Variants in ZEB2 observed in about 807,000 individuals in gnomAD.
ZEB2 encodes the protein zinc finger E-box-binding homeobox 2.
Under a neutral mutation model 99.9 loss-of-function variants are expected in ZEB2, and 6 were observed. The observed-to-expected ratio is 0.06, with a 90% CI of 0.03 to 0.12. The LOEUF (loss-of-function observed/expected upper bound fraction) is 0.12, where lower values mean the gene tolerates loss of function less well. Among genes scored for constraint, ZEB2 ranks in the 10% least tolerant of loss-of-function variants. The pLI, the probability that ZEB2 is intolerant of heterozygous loss-of-function variation, is 1.00. For synonymous variants in ZEB2, 517 were observed against 542.5 expected (o/e 0.95, Z 0.65); for missense variants, 969 against 1,502.8 (o/e 0.64, Z 5.87).
chr2:144,475,116 A>C (rs563050448), intron 2 of ZEB2, among the ~76,000 whole-genome samples: 1 of 152,310 alleles, frequency 6.6e-6, no homozygotes, highest in African/African-American at 2.4e-5. Context: ...AGTATGGGAG[A>C]GGCTTTGTCA....
Position 144,515,796 on chromosome 2 carries a change from CTAGA to C in ZEB2, c.73+1478_73+1481del, listed in dbSNP as rs1439947326. On this transcript the variant is annotated intron_variant, in intron 2 of 9. Transcript: ENST00000627532. ...ACACACGCGTACACACACACAAAAC[CTAGA>C]GAGAGAGAGAGAGAGAGAGAAAAGC... Among the ~76,000 whole-genome samples the C allele has an allele frequency of 3.6e-5, 3 of 82,738 alleles. No homozygotes were observed. The East Asian group carries it at 8.3e-4, about 23-fold the overall frequency. The allele number at this position is 82,738 out of a possible 152,430, so 54.3% of individuals were successfully genotyped here.
chr2:144,391,524 G>A lies in ZEB2; in HGVS notation c.3068-1496C>T, dbSNP rs148519288. On this transcript the variant is annotated intron_variant, in intron 9 of 9. Coordinates refer to ENST00000627532, the MANE Select transcript of ZEB2 (RefSeq NM_014795.4). ...CCATTCCTTAACTTTTGGAAAAGAT[G>A]TTTTGAATGAGGTAAACTGGATAAC... 5.3e-3 allele frequency among the ~76,000 whole-genome samples: 800 copies of A among 152,326 alleles called. 11 individuals are homozygous for A. Among genetic ancestry groups the A allele is most frequent in the Non-Finnish European group, 3.9e-3 (264 of 68,026 alleles).
At chr2:144,412,428 C>G (rs1486451637) in intron 4 of ZEB2, among the ~76,000 whole-genome samples, 1 of 152,188 alleles carries the variant, frequency 6.6e-6, no homozygotes, top group Non-Finnish European at 1.5e-5. Flanking sequence ...CCCAGCAATT[C>G]AATGCTCTTT....
In ZEB2 at chr2:144,429,813, G is replaced by A; in HGVS notation, c.287C>T (p.Pro96Leu). The A allele has an allele frequency of 6.2e-7, 1 of 1,613,774 alleles. No individual in the cohort carries two copies. The highest frequency in any genetic ancestry group is 8.5e-7 in the Non-Finnish European group (1 of 1,179,838). The change falls in exon 3 of 10, where the codon CCC (proline) becomes CTC (leucine). Residue 96 changes from proline (P) to leucine (L), a missense_variant. Physicochemically the swap from Pro to Leu is moderately conservative, Grantham distance 98. Around this residue, in one of 8 missense-constraint regions of ZEB2, gnomAD observed 173 missense variants for 217.7 expected, o/e 0.79. Transcript: ENST00000627532. Reference sequence around the variant, plus strand: ...TTGTAGAATCTCGTTGTTGTGCCAGGGGTGTTCCACTCCACCCTCCCTTAT... The same window carrying A: ...TTGTAGAATCTCGTTGTTGTGCCAGAGGTGTTCCACTCCACCCTCCCTTAT... ...DEIREGGVEHPWHNNEILQAS... is the reference protein window; with the variant it reads ...DEIREGGVEHLWHNNEILQAS...
intron 2 of ZEB2, among the ~76,000 whole-genome samples, chr2:144,440,030 A>C (rs1444095770): frequency 6.6e-6 from 1 of 152,254 alleles, no homozygotes; most frequent in Non-Finnish European, 1.5e-5. Context: ...AAAAGAATAA[A>C]GTGGCTAAAT....
Position 144,385,441 on chromosome 2 carries a change from T to C in ZEB2, c.*4010A>G, listed in dbSNP as rs1703069119. 6.6e-6 allele frequency: 1 copy of C among 152,198 alleles called. No homozygotes were observed. The highest frequency in any genetic ancestry group is 2.4e-5 in the African/African-American group (1 of 41,450). The allele number at this position is 152,198 out of a possible 1,614,324, so 9.4% of individuals were successfully genotyped here. Reference sequence around the variant, plus strand: ...TTTGGTGTTTTTTCCCCCTCTTTTTTTAGTGCTATGATTGATGAACATGCA... The same window carrying C: ...TTTGGTGTTTTTTCCCCCTCTTTTTCTAGTGCTATGATTGATGAACATGCA... On this transcript the variant is annotated 3_prime_UTR_variant, in exon 10 of 10. Transcript: ENST00000627532.
At chr2:144,497,636 G>C (rs1704783673) in intron 2 of ZEB2, 1 of 166,672 alleles carries the variant, frequency 6.0e-6, no homozygotes. Flanking sequence ...GGTGATGCTT[G>C]TAATAATAGC....
intron 2 of ZEB2, among the ~76,000 whole-genome samples, chr2:144,431,518 G>A (rs1189715679): frequency 6.6e-6 from 1 of 151,874 alleles, no homozygotes; most frequent in Non-Finnish European, 1.5e-5. Flanking sequence ...CACAACAGGT[G>A]CAAATTAAAA....
intron 2 of ZEB2, among the ~76,000 whole-genome samples, chr2:144,466,090 C>G (rs1376162081): frequency 1.3e-5 from 2 of 152,180 alleles, no homozygotes; most frequent in African/African-American, 4.8e-5. Context: ...TTTTCGCAAC[C>G]AAATGCCTTT....
At chr2:144,509,186 G>C (rs1176711501) in intron 2 of ZEB2, among the ~76,000 whole-genome samples, 1 of 152,192 alleles carries the variant, frequency 6.6e-6, no homozygotes, top group Non-Finnish European at 1.5e-5. Context: ...CACTCAAAGA[G>C]TTAAAGAGTG....
At chr2:144,396,782 A>C (rs1435141026) in intron 8 of ZEB2, among the ~76,000 whole-genome samples, 190 bp from the exon 9 acceptor site, 2 of 152,210 alleles carry the variant, frequency 1.3e-5, no homozygotes, top group Non-Finnish European at 2.9e-5. Context: ...CGCAACAAAA[A>C]TATAAACTTC....
At chr2:144,416,081 A>C (rs547321297) in intron 4 of ZEB2, among the ~76,000 whole-genome samples, 2 of 152,326 alleles carry the variant, frequency 1.3e-5, no homozygotes, top group South Asian at 4.1e-4. Flanking sequence ...CTGGGACAAG[A>C]ACCAGAACCG....
intron 5 of ZEB2, among the ~76,000 whole-genome samples, chr2:144,404,344 T>A (rs1309151690): frequency 7.0e-6 from 1 of 143,066 alleles, no homozygotes. Flanking sequence ...CAAAAATTAA[T>A]TAATTACTTC....
chr2:144,463,860 CAAAAA>C (rs559614826), intron 2 of ZEB2: 7 of 139,904 alleles, frequency 5.0e-5, no homozygotes, highest in Non-Finnish European at 7.8e-5. Flanking sequence ...AAACAAAAAA[CAAAAA>C]AAGAAAGACA....
rs531501755 is a variant in ZEB2, at chr2:144,455,651, A to C, written c.74-25625T>G. On this transcript the variant is annotated intron_variant, in intron 2 of 9. Transcript: ENST00000627532. ...TCTATGTAAACACTATTTGTGCAGC[A>C]TAAGTTTAATAAAAATGATACATCA... 1.6e-4 allele frequency among the ~76,000 whole-genome samples: 25 copies of C among 152,304 alleles called. No individual in the cohort carries two copies. In the South Asian group the frequency reaches 5.2e-3, roughly 32 times the overall value.
intron 2 of ZEB2, among the ~76,000 whole-genome samples, chr2:144,506,924 T>A (rs1293569070): frequency 6.6e-6 from 1 of 152,206 alleles, no homozygotes; most frequent in African/African-American, 2.4e-5. Context: ...ACAGTTTTTT[T>A]AATGTAGAAT....
chr2:144,481,367 TCCTCCTGTTTCTTGTG>T (rs987287884), intron 2 of ZEB2, among the ~76,000 whole-genome samples: 1 of 152,176 alleles, frequency 6.6e-6, no homozygotes, highest in African/African-American at 2.4e-5. Flanking sequence ...AATTCTCATT[TCCTCCTGTTTCTTGTG>T]CCTGTTATGA....
intron 4 of ZEB2, among the ~76,000 whole-genome samples, chr2:144,410,072 C>G (rs532762765): frequency 1.3e-5 from 2 of 152,128 alleles, no homozygotes; most frequent in Admixed American, 1.3e-4. Flanking sequence ...CCACCACGCC[C>G]GGCTAATTTT....
At chr2:144,464,851 C>T (rs750326245) in intron 2 of ZEB2, among the ~76,000 whole-genome samples, 1 of 152,168 alleles carries the variant, frequency 6.6e-6, no homozygotes, top group African/African-American at 2.4e-5. Flanking sequence ...GTACTTCTAC[C>T]TCAAACATGA....
Sources: gnomAD v4.1 joint callset for allele counts (sites outside exome capture counted in the v4.1 genomes callset) on GRCh38, gnomAD v4.1.1 for gene constraint, gnomAD v4.1.1 regional missense constraint, MANE v1.5 for transcripts, NCBI Gene and HGNC (gene_info 2026-07-23, HGNC 2026-07-21) for gene names.